The following TTC6 variants were observed in gnomAD, a reference collection of about 807,000 sequenced individuals.
TTC6 encodes tetratricopeptide repeat domain 6.
In TTC6, 172 loss-of-function variants were observed where a neutral mutation model predicts 210.4. The ratio of observed to expected loss-of-function variants is 0.82; its 90% CI spans 0.72 to 0.93. TTC6 has a LOEUF of 0.93. Ranked by LOEUF, TTC6 falls within the 40% of genes least tolerant of loss-of-function variation. The pLI is 0.00. For missense variants in TTC6, 2,414 were observed against 2,318.1 expected, an observed-to-expected ratio of 1.04 and a Z score of -0.85; for synonymous variants, 804 against 819.6, an observed-to-expected ratio of 0.98 and a Z score of 0.32.
chr14:37,701,289 C>A, intron 4 of TTC6, 43 bp from the exon 7 acceptor site: 1 of 1,308,666 alleles, frequency 7.6e-7, no homozygotes, highest in Non-Finnish European at 9.8e-7. Context: ...ATCTAAAGTC[C>A]ACAAAATGAT....
intron 1 of TTC6, among the ~76,000 whole-genome samples, chr14:37,630,914 T>G (rs1412521439): frequency 1.2e-3 from 50 of 43,476 alleles, no homozygotes; most frequent in Non-Finnish European, 1.3e-3. Context: ...CCTGTTTTTT[T>G]TTTTTTTTTT....
At chr14:37,629,536 A>G (rs1295537535) in intron 1 of TTC6, among the ~76,000 whole-genome samples, 1 of 152,196 alleles carries the variant, frequency 6.6e-6, no homozygotes, top group African/African-American at 2.4e-5. Flanking sequence ...TAAATATACA[A>G]TCATGTCATT....
At chr14:37,757,204 T>A (rs925658301) in intron 14 of TTC6, among the ~76,000 whole-genome samples, 1 of 152,010 alleles carries the variant, frequency 6.6e-6, no homozygotes. Flanking sequence ...CCCTTTATCA[T>A]TTTTTATTGT....
chr14:37,762,196 A>G (rs930966190), intron 14 of TTC6, among the ~76,000 whole-genome samples: 2 of 152,106 alleles, frequency 1.3e-5, no homozygotes, highest in Non-Finnish European at 2.9e-5. Flanking sequence ...AATTGTGTAT[A>G]TAAGACACAT....
At chr14:37,647,561 C>A (rs911582361) in intron 1 of TTC6, among the ~76,000 whole-genome samples, 18 of 152,222 alleles carry the variant, frequency 1.2e-4, no homozygotes, top group Middle Eastern at 3.4e-3. Flanking sequence ...TGGTGAAGAT[C>A]AAGGGGGCAG....
At chr14:37,599,079 C>A (rs1489787176) in intron 1 of TTC6, among the ~76,000 whole-genome samples, 3 of 152,170 alleles carry the variant, frequency 2.0e-5, no homozygotes, top group African/African-American at 7.2e-5. Flanking sequence ...AGGCCTGGGA[C>A]GCTGGAAACA....
intron 29 of TTC6, among the ~76,000 whole-genome samples, chr14:37,833,691 C>T (rs2096191397): frequency 6.6e-6 from 1 of 151,964 alleles, no homozygotes; most frequent in Admixed American, 6.6e-5. Context: ...TTTCTTATTG[C>T]TTATCTTTGA....
chr14:37,627,204 A>AGATCT (rs1283677440), intron 1 of TTC6, among the ~76,000 whole-genome samples: 1 of 152,158 alleles, frequency 6.6e-6, no homozygotes, highest in Non-Finnish European at 1.5e-5. Flanking sequence ...AGGCGATGCC[A>AGATCT]GATCTGTGCA....
At chr14:37,821,172 A>G (rs1352827311) in intron 26 of TTC6, among the ~76,000 whole-genome samples, 1 of 151,554 alleles carries the variant, frequency 6.6e-6, no homozygotes, top group Non-Finnish European at 1.5e-5. Context: ...GGTTCAAGCA[A>G]TTCTCATGAC....
chr14:37,626,339 G>A (rs915511107), intron 1 of TTC6, among the ~76,000 whole-genome samples: 6 of 152,148 alleles, frequency 3.9e-5, no homozygotes, highest in African/African-American at 7.2e-5. Flanking sequence ...TCTGTCATGC[G>A]TAGTTGTTTT....
chr14:37,772,748 C>G (rs2096024072), intron 14 of TTC6, among the ~76,000 whole-genome samples: 1 of 152,158 alleles, frequency 6.6e-6, no homozygotes, highest in Admixed American at 6.5e-5. Flanking sequence ...GATGGAAATG[C>G]AGATATCACC....
At chr14:37,808,406 T>C (rs1321148773) in intron 23 of TTC6, among the ~76,000 whole-genome samples, 1 of 152,158 alleles carries the variant, frequency 6.6e-6, no homozygotes, top group African/African-American at 2.4e-5. Flanking sequence ...TGCATTAATA[T>C]GGGTGGCTTT....
At chr14:37,838,074 T>TG (rs1371450297) in intron 29 of TTC6, among the ~76,000 whole-genome samples, 1 of 152,118 alleles carries the variant, frequency 6.6e-6, no homozygotes, top group African/African-American at 2.4e-5. Flanking sequence ...GGGAAAAAGT[T>TG]GAGTGTTAAG....
At chr14:37,836,353 T>C (rs2139040101) in intron 29 of TTC6, among the ~76,000 whole-genome samples, 1 of 152,304 alleles carries the variant, frequency 6.6e-6, no homozygotes, top group Non-Finnish European at 1.5e-5. Context: ...AATGTTTATG[T>C]GCATTGTAGT....
chr14:37,669,683 T>C (rs940774279), intron 1 of TTC6, among the ~76,000 whole-genome samples: 3 of 152,194 alleles, frequency 2.0e-5, no homozygotes, highest in Non-Finnish European at 4.4e-5. Context: ...ATCAAATGAA[T>C]GCTGAATTTG....
chr14:37,605,381 G>C (rs545898958), intron 1 of TTC6, among the ~76,000 whole-genome samples: 161 of 152,318 alleles, frequency 1.1e-3, no homozygotes, highest in Non-Finnish European at 1.9e-3. Flanking sequence ...CAGGATCCGG[G>C]TGGATAAAAT....
At chr14:37,642,789 CTGT>C (rs1285158310) in intron 1 of TTC6, among the ~76,000 whole-genome samples, 1 of 152,188 alleles carries the variant, frequency 6.6e-6, no homozygotes, top group Non-Finnish European at 1.5e-5. Flanking sequence ...GTGGTATAGC[CTGT>C]TGCTCCTAGA....
At chr14:37,655,609 C>T (rs1261722981) in intron 1 of TTC6, among the ~76,000 whole-genome samples, 1 of 152,152 alleles carries the variant, frequency 6.6e-6, no homozygotes, top group African/African-American at 2.4e-5. Context: ...ATTTTCCTAA[C>T]AGCTCCTCCC....
chr14:37,739,211 A>G (rs1258997604), intron 10 of TTC6, 56 bp downstream of exon 12: 7 of 1,387,510 alleles, frequency 5.0e-6, no homozygotes, highest in African/African-American at 2.9e-5. Flanking sequence ...TTTTGACCTT[A>G]ATTTTATAAT....
Sources: gnomAD v4.1 joint callset for allele counts (sites outside exome capture counted in the v4.1 genomes callset) on GRCh38, gnomAD v4.1.1 for gene constraint, MANE v1.5 for transcripts, NCBI Gene and HGNC (gene_info 2026-07-23, HGNC 2026-07-21) for gene names.